Variants in SLC15A5 observed in about 807,000 individuals in gnomAD.
SLC15A5 encodes solute carrier family 15 member 5.
In SLC15A5, 58 loss-of-function variants were observed where a neutral mutation model predicts 56.1. The observed-to-expected ratio is 1.03, with a 90% CI of 0.84 to 1.29. The LOEUF (loss-of-function observed/expected upper bound fraction) is 1.29. Ranked by LOEUF, SLC15A5 falls within the 50% of genes most tolerant of loss-of-function variation. The probability of loss-of-function intolerance (pLI) is 0.00; values close to 1 mark genes in which losing one functional copy is unlikely to be tolerated. For synonymous variants in SLC15A5, 264 were observed against 250.5 expected (o/e 1.05, Z -0.51); for missense variants, 681 against 672.1 (o/e 1.01, Z -0.15).
At chr12:16,208,439 G>A (rs1035898778) in intron 7 of SLC15A5, among the ~76,000 whole-genome samples, 16 of 152,184 alleles carry the variant, frequency 1.1e-4, no homozygotes, top group African/African-American at 3.9e-4. Context: ...GGGAGACTGA[G>A]GTGGGAGGAT....
At chr12:16,213,572 T>C (rs1864103296) in intron 7 of SLC15A5, among the ~76,000 whole-genome samples, 2 of 152,228 alleles carry the variant, frequency 1.3e-5, no homozygotes, top group Non-Finnish European at 2.9e-5. Context: ...ATTATGCTAC[T>C]ACATCTTCTA....
At position 16,269,664 on chromosome 12, in the gene SLC15A5, T is replaced by C. The variant is rs939551178; in HGVS notation, c.584+2897A>G. Reference sequence around the variant, plus strand: ...ATTTGAGTACCAGATAGTCAACATTTCTGGGGTGAAATAAGTCAGTCTCTA... The same window carrying C: ...ATTTGAGTACCAGATAGTCAACATTCCTGGGGTGAAATAAGTCAGTCTCTA... On this transcript the variant is annotated intron_variant, in intron 2 of 8. Coordinates refer to ENST00000344941, the MANE Select transcript of SLC15A5 (RefSeq NM_001170798.1). The surrounding 1 kb of genome is among the most constrained non-coding windows in gnomAD (Gnocchi z 4.7). 2.0e-5 allele frequency among the ~76,000 whole-genome samples: 3 copies of C among 152,190 alleles called. No individual in the cohort carries two copies. The highest frequency in any genetic ancestry group is 4.4e-5 in the Non-Finnish European group (3 of 68,028).
chr12:16,241,680 T>G (rs1266926814), intron 4 of SLC15A5, among the ~76,000 whole-genome samples: 2 of 152,184 alleles, frequency 1.3e-5, no homozygotes, highest in Non-Finnish European at 2.9e-5. Context: ...ATGAATGATG[T>G]GTTTTAACAA....
chr12:16,214,270 GCCTGGACTGATT>G (rs1295000636), intron 7 of SLC15A5, among the ~76,000 whole-genome samples: 1 of 152,182 alleles, frequency 6.6e-6, no homozygotes, highest in Non-Finnish European at 1.5e-5. Context: ...TAAAAAATTT[GCCTGGACTGATT>G]CCTGGGAGGT....
rs532985444 is a variant in SLC15A5 at position 16,246,346 on chromosome 12, G to T, written c.755-1546C>A. 3.9e-5 allele frequency among the ~76,000 whole-genome samples: 6 copies of T among 152,302 alleles called. No homozygotes were observed. In the East Asian group the frequency reaches 7.7e-4, roughly 20 times the overall value. ...GCTCTTTATTATTAGAGAATGAACTGCTCTATTATGAGACTTTCCTAGCTA... is the reference window on the plus strand; with the variant it reads ...GCTCTTTATTATTAGAGAATGAACTTCTCTATTATGAGACTTTCCTAGCTA... On this transcript the variant is annotated intron_variant, in intron 3 of 8. Transcript: ENST00000344941.
chr12:16,257,420 A>T (rs891353555), intron 3 of SLC15A5, among the ~76,000 whole-genome samples: 9 of 152,118 alleles, frequency 5.9e-5, no homozygotes, highest in African/African-American at 2.2e-4. Context: ...CATTATTAAA[A>T]TTTTTTCAAC....
chr12:16,244,381 G>C (rs1408608331), intron 4 of SLC15A5, among the ~76,000 whole-genome samples, 199 bp downstream of exon 4: 1 of 152,212 alleles, frequency 6.6e-6, no homozygotes, highest in East Asian at 1.9e-4. Context: ...CACATCCCAG[G>C]GTCTCCTCAG....
intron 2 of SLC15A5, among the ~76,000 whole-genome samples, chr12:16,262,202 G>T (rs932575541): frequency 5.9e-5 from 9 of 152,154 alleles, no homozygotes; most frequent in African/African-American, 2.2e-4. Context: ...GGCTAATTCG[G>T]CTAAATATCC....
intron 2 of SLC15A5, among the ~76,000 whole-genome samples, chr12:16,261,949 A>G (rs2136812619): frequency 6.6e-6 from 1 of 152,276 alleles, no homozygotes; most frequent in South Asian, 2.1e-4. Flanking sequence ...TTTTCATTCT[A>G]TTAAAAGTGT....
At chr12:16,219,482 A>C (rs1864165046) in intron 6 of SLC15A5, among the ~76,000 whole-genome samples, 1 of 152,198 alleles carries the variant, frequency 6.6e-6, no homozygotes, top group Admixed American at 6.5e-5. Flanking sequence ...TTCACTAAGA[A>C]AAAGCAGAAC....
At chr12:16,252,112 C>T (rs1016293942) in intron 3 of SLC15A5, among the ~76,000 whole-genome samples, 1 of 151,858 alleles carries the variant, frequency 6.6e-6, no homozygotes, top group Non-Finnish European at 1.5e-5. Context: ...AATTCAACAC[C>T]CTTTCATGAT....
chr12:16,196,149 C>A lies in SLC15A5; in HGVS notation c.1484-1696G>T, dbSNP rs952308134. 1.3e-5 allele frequency among the ~76,000 whole-genome samples: 2 copies of A among 151,792 alleles called. No individual in the cohort carries two copies. Among genetic ancestry groups the A allele is most frequent in the African/African-American group, 4.8e-5 (2 of 41,352 alleles). On this transcript the variant is annotated intron_variant, in intron 7 of 8. Coordinates refer to ENST00000344941, the MANE Select transcript of SLC15A5 (RefSeq NM_001170798.1). This position sits in a 1 kb window ranked among gnomAD's most constrained non-coding sequence, Gnocchi z 4.0. ...ATAGGGATTATTTGGCAAAATAATACCAAAATAGGTATTATGATAGGTATA... is the reference window on the plus strand; with the variant it reads ...ATAGGGATTATTTGGCAAAATAATAACAAAATAGGTATTATGATAGGTATA...
intron 7 of SLC15A5, among the ~76,000 whole-genome samples, chr12:16,205,743 T>G (rs1183572324): frequency 6.6e-6 from 1 of 151,906 alleles, no homozygotes; most frequent in Non-Finnish European, 1.5e-5. Flanking sequence ...TGGCATTAAG[T>G]GCAATAGCAT....
chr12:16,268,323 G>A lies in SLC15A5; in HGVS notation c.584+4238C>T, dbSNP rs1864715762. Among the ~76,000 whole-genome samples the A allele has an allele frequency of 4.2e-5, 2 of 47,798 alleles. 1 individual carries two copies. The highest frequency in any genetic ancestry group is 4.0e-4 in the Admixed American group (2 of 5,026). The allele number at this position is 47,798 out of a possible 152,430, so 31.4% of individuals were successfully genotyped here. On this transcript the variant is annotated intron_variant, in intron 2 of 8. Coordinates refer to ENST00000344941, the MANE Select transcript of SLC15A5 (RefSeq NM_001170798.1). The stretch of plus-strand genomic sequence containing the variant: ...ACCCGGGAGACGGAGGTTGCAGTGA[G>A]CTCAGATCGCAAAGGTAAAGAAGGA...
At position 16,196,260 on chromosome 12, in the gene SLC15A5, T is replaced by C. The variant is rs1371621889; in HGVS notation, c.1484-1807A>G. Among the ~76,000 whole-genome samples the C allele has an allele frequency of 3.9e-5, 6 of 152,146 alleles. No individual in the cohort carries two copies. The highest frequency in any genetic ancestry group is 3.9e-4 in the Admixed American group (6 of 15,250). ...TAATGAAAATTTATGGTTTTATTGC[T>C]ACAGTTACATGATGCCTGTATCTGG... On this transcript the variant is annotated intron_variant, in intron 7 of 8. Transcript: ENST00000344941. The surrounding 1 kb of genome is among the most constrained non-coding windows in gnomAD (Gnocchi z 4.0).
chr12:16,274,817 C>A (rs779147660), intron 1 of SLC15A5, among the ~76,000 whole-genome samples: 5 of 152,072 alleles, frequency 3.3e-5, no homozygotes, highest in Admixed American at 6.6e-5. Context: ...GTAACTTAGG[C>A]ACTTTACTTC....
At chr12:16,262,586 A>G (rs2136813362) in intron 2 of SLC15A5, among the ~76,000 whole-genome samples, 1 of 152,350 alleles carries the variant, frequency 6.6e-6, no homozygotes, top group Non-Finnish European at 1.5e-5. Flanking sequence ...TCAAATGTTC[A>G]TTTTTCTCCA....
chr12:16,216,192 G>A (rs937951213), intron 7 of SLC15A5, among the ~76,000 whole-genome samples: 7 of 151,868 alleles, frequency 4.6e-5, no homozygotes, highest in Admixed American at 2.0e-4. Flanking sequence ...AAGATATATC[G>A]ACATTTTAGA....
At chr12:16,212,837 ATTAC>A (rs920098714) in intron 7 of SLC15A5, among the ~76,000 whole-genome samples, 1 of 152,166 alleles carries the variant, frequency 6.6e-6, no homozygotes, top group Non-Finnish European at 1.5e-5. Flanking sequence ...AAAAATGTCT[ATTAC>A]TTAGGATGAT....
Sources: gnomAD v4.1 joint callset for allele counts (sites outside exome capture counted in the v4.1 genomes callset) on GRCh38, gnomAD v4.1.1 for gene constraint, Gnocchi (gnomAD v3.1) non-coding constraint, MANE v1.5 for transcripts, NCBI Gene and HGNC (gene_info 2026-07-23, HGNC 2026-07-21) for gene names.